The following MAP3K4 variants were observed in gnomAD, a reference collection of about 807,000 sequenced individuals.
MAP3K4 encodes the protein MAP three kinase 1.
MAP3K4 carries 67 observed loss-of-function variants against 185.6 expected under a neutral mutation model. The ratio of observed to expected loss-of-function variants is 0.36; its 90% CI spans 0.30 to 0.44. The LOEUF (loss-of-function observed/expected upper bound fraction) is 0.44. MAP3K4 is among the 20% of genes least tolerant of loss of function. MAP3K4 has a pLI of 1.00. For missense variants in MAP3K4, 1,551 were observed against 1,995.1 expected, an observed-to-expected ratio of 0.78 and a Z score of 4.24; for synonymous variants, 702 against 710.4, an observed-to-expected ratio of 0.99 and a Z score of 0.19.
chr6:161,068,355 C>T (rs1784793815), intron 3 of MAP3K4, among the ~76,000 whole-genome samples: 1 of 152,138 alleles, frequency 6.6e-6, no homozygotes, highest in South Asian at 2.1e-4. Context: ...AGGAAGAGTT[C>T]ACCAGGGACA....
Position 160,991,831 on chromosome 6 carries a change from G to A in MAP3K4, c.-101G>A, listed in dbSNP as rs1473991037. On this transcript the variant is annotated 5_prime_UTR_variant, in exon 1 of 27. Transcript: ENST00000392142. This position sits in a 1 kb window ranked among gnomAD's most constrained non-coding sequence, Gnocchi z 5.7. ...GCACGGCTCCTGCGGCGGGGTAGAG[G>A]CGGAGGCGGAGTCGAGTCACTCCCG... 6 of 1,308,078 alleles carry A rather than the reference G, an allele frequency of 4.6e-6. No individual in the cohort carries two copies. The African/African-American group carries it at 4.7e-5, about 10-fold the overall frequency. 81.0% of individuals were successfully genotyped at this position (1,308,078 alleles called of 1,614,324 possible).
intron 3 of MAP3K4, among the ~76,000 whole-genome samples, chr6:161,050,473 C>T (rs191111766): frequency 1.3e-5 from 2 of 152,258 alleles, no homozygotes; most frequent in Admixed American, 1.3e-4. Flanking sequence ...AGAGAAATGT[C>T]AGAATGATCA....
At chr6:161,113,691 T>C (rs1395837612) in intron 25 of MAP3K4, among the ~76,000 whole-genome samples, 2 of 151,936 alleles carry the variant, frequency 1.3e-5, no homozygotes, top group African/African-American at 4.8e-5. Flanking sequence ...AAAAAGATTG[T>C]CTGTTAACAA....
chr6:161,015,271 C>G (rs1375995942), intron 1 of MAP3K4, among the ~76,000 whole-genome samples: 1 of 150,658 alleles, frequency 6.6e-6, no homozygotes, highest in Non-Finnish European at 1.5e-5. Flanking sequence ...AACACATGGA[C>G]ACATGGGGGG....
In MAP3K4 at chr6:161,093,074, GT is replaced by G. The variant is rs755721650; in HGVS notation, c.3348+25del. On this transcript the variant is annotated intron_variant, in intron 14 of 26. Transcript: ENST00000392142. The surrounding 1 kb of genome is among the most constrained non-coding windows in gnomAD (Gnocchi z 5.2). The stretch of plus-strand genomic sequence containing the variant: ...ACTTCTTGGTATGGATTATTCTAAA[GT>G]TTTTTTCATTATAAAATAAGCCAGT... The G allele has an allele frequency of 1.9e-6, 3 of 1,553,724 alleles. No individual in the cohort carries two copies. The highest frequency in any genetic ancestry group is 2.3e-5 in the South Asian group (2 of 87,118).
chr6:161,040,961 G>A (rs1457395816), intron 2 of MAP3K4, among the ~76,000 whole-genome samples: 2 of 152,242 alleles, frequency 1.3e-5, no homozygotes, highest in African/African-American at 4.8e-5. Flanking sequence ...CTAACCTGTT[G>A]ATGTTGAGTT....
intron 1 of MAP3K4, among the ~76,000 whole-genome samples, chr6:161,001,124 T>C (rs1039870290): frequency 6.8e-5 from 10 of 146,142 alleles, no homozygotes; most frequent in African/African-American, 2.2e-4. Flanking sequence ...TATACACATA[T>C]ATAATACAAG....
Position 161,101,794 on chromosome 6 carries a change from GC to G in MAP3K4, c.3675-93del, listed in dbSNP as rs1777850248. Reference sequence around the variant, plus strand: ...AGAGTTGTTCCTGGCAGGCAGAGTTGCCCCCAGTTGAGAATTATTGCTCTAG... The same window carrying G: ...AGAGTTGTTCCTGGCAGGCAGAGTTGCCCCAGTTGAGAATTATTGCTCTAG... On this transcript the variant is annotated intron_variant, in intron 17 of 26. Coordinates refer to ENST00000392142, the MANE Select transcript of MAP3K4 (RefSeq NM_005922.4). This position sits in a 1 kb window ranked among gnomAD's most constrained non-coding sequence, Gnocchi z 5.1. 1.0e-6 allele frequency: 1 copy of G among 963,260 alleles called. No individual in the cohort carries two copies. 59.7% of individuals were successfully genotyped at this position (963,260 alleles called of 1,614,324 possible). A position where few individuals can be genotyped will look rare whatever the true frequency, so the allele number is the denominator to read the frequency against.
Position 161,107,980 on chromosome 6 carries a change from T to G in MAP3K4, c.4119+11T>G. ...ATGGCCATGAAAGAGGTGAGTCACC[T>G]GGCTCCGTGGGGCCTTTGGGCCTGG... is the stretch of plus-strand genomic sequence containing the variant. On this transcript the variant is annotated intron_variant, in intron 21 of 26. Coordinates refer to ENST00000392142, the MANE Select transcript of MAP3K4 (RefSeq NM_005922.4). The surrounding 1 kb of genome is among the most constrained non-coding windows in gnomAD (Gnocchi z 6.2). 1 of 1,613,346 alleles carries G rather than the reference T, an allele frequency of 6.2e-7. No individual in the cohort carries two copies. Among genetic ancestry groups the G allele is most frequent in the Non-Finnish European group, 8.5e-7 (1 of 1,179,794 alleles).
chr6:161,086,707 T>G lies in MAP3K4; in HGVS notation c.2556+40T>G. On this transcript the variant is annotated intron_variant, in intron 9 of 26. Coordinates refer to ENST00000392142, the MANE Select transcript of MAP3K4 (RefSeq NM_005922.4). The surrounding 1 kb of genome is among the most constrained non-coding windows in gnomAD (Gnocchi z 4.8). ...TGTTGTGATTGAAACATTTTGCCTT[T>G]CCTTCTTTATTCTAAAACAGGCAGA... 3 of 1,533,440 alleles carry G rather than the reference T, an allele frequency of 2.0e-6. No homozygotes were observed. Among genetic ancestry groups the G allele is most frequent in the Non-Finnish European group, 1.8e-6 (2 of 1,117,268 alleles). 95.0% of individuals were successfully genotyped at this position (1,533,440 alleles called of 1,614,324 possible). A position where few individuals can be genotyped will look rare whatever the true frequency, so the allele number is the denominator to read the frequency against.
Position 161,098,256 on chromosome 6 carries a change from G to A in MAP3K4, c.3525-22G>A, listed in dbSNP as rs1777657923. 1 of 1,603,838 alleles carries A rather than the reference G, an allele frequency of 6.2e-7. No individual in the cohort carries two copies. The highest frequency in any genetic ancestry group is 1.1e-5 in the South Asian group (1 of 90,150). On this transcript the variant is annotated intron_variant, in intron 16 of 26. Transcript: ENST00000392142. This position sits in a 1 kb window ranked among gnomAD's most constrained non-coding sequence, Gnocchi z 4.4. ...GTTCCCTCTTCTCACATGTGTTCCT[G>A]AAGCTTTTCTTCTTGTCTTAGCACT... is the stretch of plus-strand genomic sequence containing the variant.
Position 160,991,965 on chromosome 6 carries a change from C to T in MAP3K4, c.34C>T (p.Pro12Ser), listed in dbSNP as rs987696007. 6.5e-7 allele frequency: 1 copy of T among 1,546,764 alleles called. No homozygotes were observed. Among genetic ancestry groups the T allele is most frequent in the Non-Finnish European group, 8.7e-7 (1 of 1,153,840 alleles). Residue 12 changes from proline to serine, a missense_variant, in exon 1 of 27, where the codon CCC becomes TCC. By Grantham distance (74) the Pro-to-Ser change is moderately conservative. This residue lies in a region of MAP3K4 where 287 missense variants were observed against 268.8 expected (regional missense o/e 1.07). Transcript: ENST00000392142. The surrounding 1 kb of genome is among the most constrained non-coding windows in gnomAD (Gnocchi z 5.7). ...REAAAALVPP[P>S]AFAVTPAAAM... is the part of the protein sequence containing the mutation. ...AGCCGCTGCCGCGCTGGTCCCTCCT[C>T]CCGCCTTTGCCGTCACGCCTGCCGC...
rs1454950709 is a variant in MAP3K4, at chr6:161,026,190, G to T, written c.153-8069G>T. ...CTGTGGCCCAGGCTGGAGTGCAGTGGCGCGATCTCGGCTCACTGCAAGCTC... is the reference window on the plus strand; with the variant it reads ...CTGTGGCCCAGGCTGGAGTGCAGTGTCGCGATCTCGGCTCACTGCAAGCTC... On this transcript the variant is annotated intron_variant, in intron 1 of 26. Coordinates refer to ENST00000392142, the MANE Select transcript of MAP3K4 (RefSeq NM_005922.4). 2.6e-5 allele frequency among the ~76,000 whole-genome samples: 4 copies of T among 152,050 alleles called. No homozygotes were observed. The East Asian group carries it at 5.8e-4, about 22-fold the overall frequency.
At position 161,034,382 on chromosome 6, in the gene MAP3K4, G is replaced by A. The variant is rs935885817; in HGVS notation, c.276G>A (p.Met92Ile). 1 of 1,613,942 alleles carries A rather than the reference G, an allele frequency of 6.2e-7. No individual in the cohort carries two copies. The highest frequency in any genetic ancestry group is 8.5e-7 in the Non-Finnish European group (1 of 1,179,896). Residue 92 changes from methionine (M) to isoleucine (I), a missense_variant, in exon 2 of 27, where the codon ATG (methionine) becomes ATA (isoleucine). By Grantham distance (10) the Met-to-Ile change is conservative. Coordinates refer to ENST00000392142, the MANE Select transcript of MAP3K4 (RefSeq NM_005922.4). The surrounding 1 kb of genome is among the most constrained non-coding windows in gnomAD (Gnocchi z 4.4). Reference protein sequence around the residue: ...GTSPPSTPRQMKRMSTKHQRN... With the variant: ...GTSPPSTPRQIKRMSTKHQRN... ...CTCCCCCCAGCACACCTCGACAGAT[G>A]AAACGCATGTCAACCAAACATCAGA... is the stretch of plus-strand genomic sequence containing the variant.
chr6:161,112,652 T>C lies in MAP3K4; in HGVS notation c.4520-16T>C, dbSNP rs991925261. On this transcript the variant is annotated splice_polypyrimidine_tract_variant and intron_variant, in intron 24 of 26. Coordinates refer to ENST00000392142, the MANE Select transcript of MAP3K4 (RefSeq NM_005922.4). The surrounding 1 kb of genome is among the most constrained non-coding windows in gnomAD (Gnocchi z 5.1). Reference sequence around the variant, plus strand: ...TTTATAACCCATTACTCTCAACATATCTGTGACTTTTAAAGCATACATGGC... The same window carrying C: ...TTTATAACCCATTACTCTCAACATACCTGTGACTTTTAAAGCATACATGGC... The C allele has an allele frequency of 4.6e-6, 7 of 1,532,098 alleles. No homozygotes were observed. Among genetic ancestry groups the C allele is most frequent in the Non-Finnish European group, 6.1e-6 (7 of 1,138,672 alleles). The allele number at this position is 1,532,098 out of a possible 1,614,324, so 94.9% of individuals were successfully genotyped here. A position where few individuals can be genotyped will look rare whatever the true frequency, so the allele number is the denominator to read the frequency against.
rs1054357735 is a variant in MAP3K4 at position 161,018,935 on chromosome 6, T to A, written c.153-15324T>A. Among the ~76,000 whole-genome samples, 3 of 152,324 alleles carry A rather than the reference T, an allele frequency of 2.0e-5. No homozygotes were observed. The South Asian group carries it at 6.2e-4, about 32-fold the overall frequency. On this transcript the variant is annotated intron_variant, in intron 1 of 26. Coordinates refer to ENST00000392142, the MANE Select transcript of MAP3K4 (RefSeq NM_005922.4). ...TATGCTGGGTGGGATATCAACAGAT[T>A]AGACACTGCAGAAAAACATCAGTGA...
intron 1 of MAP3K4, 161 bp downstream of exon 1, chr6:160,992,244 G>A (rs1780752101): frequency 9.9e-7 from 1 of 1,005,898 alleles, no homozygotes; most frequent in Non-Finnish European, 1.4e-6. Context: ...CTGGGTCCCA[G>A]GGGACCGCGT....
chr6:161,023,325 A>C (rs909303040), intron 1 of MAP3K4, among the ~76,000 whole-genome samples: 2 of 152,256 alleles, frequency 1.3e-5, no homozygotes, highest in African/African-American at 2.4e-5. Context: ...AATGACTGTA[A>C]GCACATTATA....
At chr6:161,060,953 G>A (rs1446417890) in intron 3 of MAP3K4, among the ~76,000 whole-genome samples, 1 of 152,140 alleles carries the variant, frequency 6.6e-6, no homozygotes, top group African/African-American at 2.4e-5. Context: ...AGGAACCCTA[G>A]TTCCCTTTAT....
Sources: allele counts gnomAD v4.1 joint callset (sites outside exome capture counted in the v4.1 genomes callset), GRCh38; gene constraint gnomAD v4.1.1; regional missense constraint gnomAD v4.1.1; non-coding constraint Gnocchi (gnomAD v3.1); transcripts MANE v1.5; gene names NCBI Gene and HGNC (gene_info 2026-07-23, HGNC 2026-07-21).